RNGTT: variants seen among roughly 807,000 people sequenced by gnomAD.
The protein encoded by RNGTT is mRNA-capping enzyme.
Under a neutral mutation model 79.3 loss-of-function variants are expected in RNGTT, and 33 were observed. The ratio of observed to expected loss-of-function variants is 0.42; its 90% confidence interval spans 0.32 to 0.56. RNGTT has a LOEUF of 0.56. Ranked by LOEUF, RNGTT falls within the 20% of genes least tolerant of loss-of-function variation. The probability of loss-of-function intolerance (pLI) is 0.17; values close to 1 mark genes in which losing one functional copy is unlikely to be tolerated. For synonymous variants in RNGTT, 222 were observed against 235.9 expected (o/e 0.94, Z 0.54); for missense variants, 497 against 739.1 (o/e 0.67, Z 3.80).
intron 13 of RNGTT, among the ~76,000 whole-genome samples, chr6:88,761,450 C>A (rs181514844): frequency 3.3e-5 from 5 of 151,906 alleles, no homozygotes; most frequent in African/African-American, 9.7e-5. Context: ...GAGATTGCAC[C>A]ACTGCACTCC....
At position 88,758,024 on chromosome 6, in the gene RNGTT, T is replaced by C. The variant is rs189875764; in HGVS notation, c.1439+11750A>G. Among the ~76,000 whole-genome samples, 3 of 152,312 alleles carry C rather than the reference T, an allele frequency of 2.0e-5. No individual in the cohort carries two copies. In the East Asian group the frequency reaches 5.8e-4, roughly 29 times the overall value. On this transcript the variant is annotated intron_variant, in intron 13 of 15. Transcript: ENST00000369485. The stretch of plus-strand genomic sequence containing the variant: ...TGGTTATTTAAGTGATTTAAAAGAT[T>C]TCAAAACTATTTTTAAATGATTTCA...
intron 12 of RNGTT, among the ~76,000 whole-genome samples, chr6:88,798,472 A>G (rs1779674880): frequency 6.6e-6 from 1 of 152,134 alleles, no homozygotes; most frequent in African/African-American, 2.4e-5. Context: ...CTCAAAAAAA[A>G]AAAAAGAGAG....
chr6:88,650,876 A>G (rs1196302364), intron 14 of RNGTT, among the ~76,000 whole-genome samples: 2 of 152,194 alleles, frequency 1.3e-5, no homozygotes. Flanking sequence ...TACATGACAT[A>G]GTAAACTTCC....
chr6:88,744,502 T>C (rs1777597534), intron 13 of RNGTT, among the ~76,000 whole-genome samples: 1 of 152,144 alleles, frequency 6.6e-6, no homozygotes, highest in African/African-American at 2.4e-5. Flanking sequence ...CCTTGTGATC[T>C]ATGCACCTCA....
chr6:88,960,498 C>T (rs1785579851), intron 1 of RNGTT, among the ~76,000 whole-genome samples: 1 of 152,120 alleles, frequency 6.6e-6, no homozygotes, highest in African/African-American at 2.4e-5. Flanking sequence ...CTTTGGGAGG[C>T]CAAGGCAGGC....
chr6:88,872,307 G>T (rs890935941), intron 8 of RNGTT, among the ~76,000 whole-genome samples: 4 of 152,138 alleles, frequency 2.6e-5, no homozygotes, highest in African/African-American at 9.7e-5. Context: ...ACTGAGGCCT[G>T]CCATCAACCA....
chr6:88,792,596 CAT>C (rs1275769730), intron 12 of RNGTT, among the ~76,000 whole-genome samples: 2 of 152,098 alleles, frequency 1.3e-5, no homozygotes, highest in South Asian at 2.1e-4. Context: ...TTAATAGAAA[CAT>C]ATTTCCATTT....
chr6:88,914,748 G>C (rs1054278979), intron 4 of RNGTT, among the ~76,000 whole-genome samples: 1 of 151,898 alleles, frequency 6.6e-6, no homozygotes, highest in East Asian at 1.9e-4. Flanking sequence ...TTATGTCTAA[G>C]TCCTCAAAAA....
intron 11 of RNGTT, among the ~76,000 whole-genome samples, chr6:88,830,119 T>C (rs1052797934): frequency 2.6e-5 from 4 of 152,080 alleles, no homozygotes; most frequent in Admixed American, 2.0e-4. Context: ...ACACTTATTC[T>C]AAAATTGAGC....
At chr6:88,737,238 G>T (rs142819387) in intron 13 of RNGTT, among the ~76,000 whole-genome samples, 6 of 152,250 alleles carry the variant, frequency 3.9e-5, no homozygotes, top group African/African-American at 1.4e-4. Context: ...TCTTAGAATG[G>T]GAATGTTTAT....
chr6:88,703,913 G>C (rs1776028665), intron 13 of RNGTT, among the ~76,000 whole-genome samples: 1 of 152,056 alleles, frequency 6.6e-6, no homozygotes, highest in Non-Finnish European at 1.5e-5. Context: ...ATCTAATATT[G>C]TGTTGTACAT....
At chr6:88,897,962 T>C (rs919308637) in intron 6 of RNGTT, among the ~76,000 whole-genome samples, 1 of 152,010 alleles carries the variant, frequency 6.6e-6, no homozygotes, top group Non-Finnish European at 1.5e-5. Flanking sequence ...TGACCCCTCA[T>C]GAGAAAAAGA....
chr6:88,937,291 A>G lies in RNGTT; in HGVS notation c.174+3780T>C, dbSNP rs939907965. ...AACCTGGGAGTGGAGGTCACAGTGA[A>G]CTGAGATCCCACCATTGCACTCCAG... On this transcript the variant is annotated intron_variant, in intron 2 of 15. Transcript: ENST00000369485. 3.3e-5 allele frequency among the ~76,000 whole-genome samples: 5 copies of G among 152,146 alleles called. No homozygotes were observed. The East Asian group carries it at 7.7e-4, about 24-fold the overall frequency.
intron 13 of RNGTT, among the ~76,000 whole-genome samples, chr6:88,692,195 C>G (rs1775506679): frequency 6.6e-6 from 1 of 152,112 alleles, no homozygotes; most frequent in Admixed American, 6.6e-5. Context: ...CATGACTACT[C>G]TGGCTTACTA....
At chr6:88,712,307 G>A (rs1011197061) in intron 13 of RNGTT, among the ~76,000 whole-genome samples, 1 of 152,148 alleles carries the variant, frequency 6.6e-6, no homozygotes, top group East Asian at 1.9e-4. Context: ...ATAATAAATA[G>A]GTTGTGTTGT....
At chr6:88,842,087 C>G (rs918925710) in intron 11 of RNGTT, among the ~76,000 whole-genome samples, 1 of 151,892 alleles carries the variant, frequency 6.6e-6, no homozygotes, top group Non-Finnish European at 1.5e-5. Flanking sequence ...GAATGTCTTA[C>G]GAATATTCAA....
At chr6:88,704,493 T>A (rs1174893120) in intron 13 of RNGTT, among the ~76,000 whole-genome samples, 1 of 152,124 alleles carries the variant, frequency 6.6e-6, no homozygotes, top group East Asian at 1.9e-4. Flanking sequence ...CTCTCCTTTA[T>A]GATCAAAGAG....
In RNGTT at chr6:88,690,411, TA is replaced by T. The variant is rs386407874; in HGVS notation, c.1440-11993del. ...TGTAAGTCTAGAATTATTTTAAAATTAAAAAAAAAAATTGGTCGAGGGCAGT... is the reference window on the plus strand; with the variant it reads ...TGTAAGTCTAGAATTATTTTAAAATTAAAAAAAAAATTGGTCGAGGGCAGT... On this transcript the variant is annotated intron_variant, in intron 13 of 15. Coordinates refer to ENST00000369485, the MANE Select transcript of RNGTT (RefSeq NM_003800.5). Among the ~76,000 whole-genome samples the T allele has an allele frequency of 1.9e-3, 284 of 149,542 alleles. 3 individuals are homozygous for T. The highest frequency in any genetic ancestry group is 6.5e-3 in the African/African-American group (268 of 41,094).
chr6:88,880,648 T>C (rs1782668121), intron 8 of RNGTT, among the ~76,000 whole-genome samples: 1 of 152,204 alleles, frequency 6.6e-6, no homozygotes, highest in South Asian at 2.1e-4. Context: ...TATCTTTTAC[T>C]TTACTATTTG....
Sources: allele counts gnomAD v4.1 joint callset (sites outside exome capture counted in the v4.1 genomes callset), GRCh38; gene constraint gnomAD v4.1.1; transcripts MANE v1.5; gene names NCBI Gene and HGNC (gene_info 2026-07-23, HGNC 2026-07-21).